The following LRRTM3 variants were observed in gnomAD, a reference collection of about 807,000 sequenced individuals.
LRRTM3 encodes the protein leucine rich repeat transmembrane neuronal 3.
In LRRTM3, 24 loss-of-function variants were observed where a neutral mutation model predicts 44.7. The ratio of observed to expected loss-of-function variants is 0.54; its 90% confidence interval spans 0.39 to 0.76. The LOEUF is 0.76. Ranked by LOEUF, LRRTM3 falls within the 30% of genes least tolerant of loss-of-function variation. The probability of loss-of-function intolerance (pLI) is 0.00; values close to 1 mark genes in which losing one functional copy is unlikely to be tolerated. For synonymous variants in LRRTM3, 277 were observed against 278.7 expected (o/e 0.99, Z 0.06); for missense variants, 587 against 702.2 (o/e 0.84, Z 1.85).
At chr10:67,074,059 C>G (rs989768278) in intron 2 of LRRTM3, among the ~76,000 whole-genome samples, 29 of 86,272 alleles carry the variant, frequency 3.4e-4, no homozygotes, top group African/African-American at 1.3e-3. Context: ...TTTTTTGAGA[C>G]AGAGTCTGGC....
intron 2 of LRRTM3, among the ~76,000 whole-genome samples, chr10:67,024,566 G>A (rs560775178): frequency 6.6e-6 from 1 of 152,282 alleles, no homozygotes; most frequent in South Asian, 2.1e-4. Flanking sequence ...AAGTCATTAT[G>A]TTTTGGAGTT....
Position 66,986,951 on chromosome 10 carries a change from G to A in LRRTM3, c.1536+58499G>A, listed in dbSNP as rs181894848. 3.9e-5 allele frequency among the ~76,000 whole-genome samples: 6 copies of A among 152,194 alleles called. No individual in the cohort carries two copies. The East Asian group carries it at 1.2e-3, about 29-fold the overall frequency. ...GTTTATATTTGAATAAGGAGTCAAG[G>A]TCACATCGTCAGAATGGGCCTCACT... is the stretch of plus-strand genomic sequence containing the variant. On this transcript the variant is annotated intron_variant, in intron 2 of 2. Transcript: ENST00000361320.
intron 2 of LRRTM3, among the ~76,000 whole-genome samples, chr10:66,941,625 C>T (rs1017627775): frequency 6.6e-6 from 1 of 152,084 alleles, no homozygotes; most frequent in South Asian, 2.1e-4. Flanking sequence ...CTGCAGAACA[C>T]GATATCAGTC....
intron 2 of LRRTM3, among the ~76,000 whole-genome samples, chr10:67,078,841 T>C (rs1031483868): frequency 6.6e-6 from 1 of 152,158 alleles, no homozygotes; most frequent in Non-Finnish European, 1.5e-5. Context: ...AACATCACAA[T>C]TCTCAAACTT....
At chr10:67,062,315 A>C (rs1203770120) in intron 2 of LRRTM3, among the ~76,000 whole-genome samples, 1 of 152,190 alleles carries the variant, frequency 6.6e-6, no homozygotes, top group African/African-American at 2.4e-5. Flanking sequence ...ATCACTTACT[A>C]AAAATGTCTT....
intron 2 of LRRTM3, among the ~76,000 whole-genome samples, chr10:66,968,517 T>G (rs1367361463): frequency 6.6e-6 from 1 of 151,882 alleles, no homozygotes; most frequent in Non-Finnish European, 1.5e-5. Context: ...AGAAAGTTCA[T>G]ATCTAAAAAA....
In LRRTM3 at chr10:66,996,649, C is replaced by CAAAAAAAAAAAAAAA. The variant is rs57025097; in HGVS notation, c.1536+68205_1536+68219dup. 2.8e-3 allele frequency among the ~76,000 whole-genome samples: 188 copies of CAAAAAAAAAAAAAAA among 67,622 alleles called. 18 individuals carry two copies. Among genetic ancestry groups the CAAAAAAAAAAAAAAA allele is most frequent in the East Asian group, 7.8e-3 (12 of 1,534 alleles). The allele number at this position is 67,622 out of a possible 152,430, so 44.4% of individuals were successfully genotyped here. A position where few individuals can be genotyped will look rare whatever the true frequency, so the allele number is the denominator to read the frequency against. ...GTGAGAGAGTGAGACTCCGTCTCTA[C>CAAAAAAAAAAAAAAA]AAAAAAAAAAAAAAAAAAAAAAGCA... is the stretch of plus-strand genomic sequence containing the variant. On this transcript the variant is annotated intron_variant, in intron 2 of 2. Transcript: ENST00000361320.
chr10:67,020,108 TA>T (rs1484801606), intron 2 of LRRTM3, among the ~76,000 whole-genome samples: 1 of 152,140 alleles, frequency 6.6e-6, no homozygotes, highest in African/African-American at 2.4e-5. Context: ...CGCCTTACAA[TA>T]AAAAACATGT....
At chr10:67,005,686 T>TTTTTTTTTGTTTGTTTG (rs1564826012) in intron 2 of LRRTM3, among the ~76,000 whole-genome samples, 2 of 101,152 alleles carry the variant, frequency 2.0e-5, no homozygotes, top group African/African-American at 6.3e-5. Context: ...CTCCATCTTT[T>TTTTTTTTTGTTTGTTTG]TTTTTTTTTT....
At chr10:67,009,404 T>C (rs924771336) in intron 2 of LRRTM3, among the ~76,000 whole-genome samples, 1 of 152,132 alleles carries the variant, frequency 6.6e-6, no homozygotes, top group Non-Finnish European at 1.5e-5. Flanking sequence ...TTGCTTCTAA[T>C]ATTTTTGTCT....
At chr10:67,062,132 A>C (rs969214650) in intron 2 of LRRTM3, among the ~76,000 whole-genome samples, 6 of 152,194 alleles carry the variant, frequency 3.9e-5, no homozygotes, top group Non-Finnish European at 7.3e-5. Context: ...AGGATCATAT[A>C]ACAAAGTTTG....
intron 2 of LRRTM3, among the ~76,000 whole-genome samples, chr10:66,944,384 C>T (rs1374567826): frequency 6.6e-6 from 1 of 152,166 alleles, no homozygotes; most frequent in African/African-American, 2.4e-5. Context: ...CACACTCCAT[C>T]TCTAATTCTA....
At chr10:67,042,160 T>G (rs1041578232) in intron 2 of LRRTM3, among the ~76,000 whole-genome samples, 1 of 152,144 alleles carries the variant, frequency 6.6e-6, no homozygotes. Context: ...ATGTGTTTTA[T>G]GTATACATTA....
intron 2 of LRRTM3, among the ~76,000 whole-genome samples, chr10:67,000,062 T>C (rs555072610): frequency 1.4e-4 from 21 of 152,292 alleles, no homozygotes; most frequent in African/African-American, 5.1e-4. Context: ...TTAGTATACA[T>C]GGAAATGATC....
intron 2 of LRRTM3, among the ~76,000 whole-genome samples, chr10:67,004,227 A>G (rs1402184561): frequency 1.3e-5 from 2 of 152,196 alleles, no homozygotes; most frequent in African/African-American, 4.8e-5. Flanking sequence ...TTTCTACAAA[A>G]AAGTTTCAGA....
At chr10:67,054,092 G>C (rs1210454716) in intron 2 of LRRTM3, among the ~76,000 whole-genome samples, 1 of 152,050 alleles carries the variant, frequency 6.6e-6, no homozygotes, top group Non-Finnish European at 1.5e-5. Flanking sequence ...TCAAAAGTAA[G>C]CAGCTTAGTA....
At position 67,030,873 on chromosome 10, in the gene LRRTM3, G is replaced by A. The variant is rs137971905; in HGVS notation, c.1537-66714G>A. Among the ~76,000 whole-genome samples the A allele has an allele frequency of 3.8e-3, 583 of 152,152 alleles. 1 individual carries two copies. Among genetic ancestry groups the A allele is most frequent in the African/African-American group, 0.012 (488 of 41,522 alleles). The stretch of plus-strand genomic sequence containing the variant: ...ACAAAAATTAGCCAGGTGTGGTGGC[G>A]GGAGTCTGTAATCCCAGCTACTCAG... On this transcript the variant is annotated intron_variant, in intron 2 of 2. Coordinates refer to ENST00000361320, the MANE Select transcript of LRRTM3 (RefSeq NM_178011.5).
chr10:66,998,674 C>G (rs765363384), intron 2 of LRRTM3, among the ~76,000 whole-genome samples: 4 of 152,084 alleles, frequency 2.6e-5, no homozygotes, highest in Non-Finnish European at 5.9e-5. Flanking sequence ...TAATTCCAAA[C>G]TCATATGTGA....
intron 2 of LRRTM3, among the ~76,000 whole-genome samples, chr10:66,988,262 G>A (rs1443884290): frequency 1.3e-5 from 2 of 152,064 alleles, no homozygotes; most frequent in Admixed American, 6.6e-5. Flanking sequence ...CATTGAGGTA[G>A]GATTATATTC....
Sources: gnomAD v4.1 joint callset for allele counts (sites outside exome capture counted in the v4.1 genomes callset) on GRCh38, gnomAD v4.1.1 for gene constraint, MANE v1.5 for transcripts, NCBI Gene and HGNC (gene_info 2026-07-23, HGNC 2026-07-21) for gene names.